ZRANB1: variants seen among roughly 807,000 people sequenced by gnomAD.
ZRANB1 encodes ubiquitin thioesterase ZRANB1.
A neutral mutation model predicts 80.5 loss-of-function variants in ZRANB1; 16 were observed. That is an observed-to-expected ratio of 0.20 (90% CI 0.13 to 0.30). The LOEUF (loss-of-function observed/expected upper bound fraction) is 0.30. Ranked by LOEUF, ZRANB1 falls within the 10% of genes least tolerant of loss-of-function variation. ZRANB1 has a pLI of 1.00. For synonymous variants in ZRANB1, 291 were observed against 293.1 expected (o/e 0.99, Z 0.07); for missense variants, 576 against 862.6 (o/e 0.67, Z 4.16).
At chr10:124,925,361 T>G in the ZRANB1 span, among the ~76,000 whole-genome samples, 1 of 152,332 alleles carries the variant, frequency 6.6e-6, no homozygotes, top group South Asian at 2.1e-4. Context: ...GATGAGCATC[T>G]TTTCATGTGC....
Position 124,983,141 on chromosome 10 carries a change from T to TA in ZRANB1, c.1549-31dup, listed in dbSNP as rs779893390. On this transcript the variant is annotated intron_variant, in intron 6 of 8. Transcript: ENST00000359653. This position sits in a 1 kb window ranked among gnomAD's most constrained non-coding sequence, Gnocchi z 6.2. The stretch of plus-strand genomic sequence containing the variant: ...CACATCAGTTTTCCAGGAGTGGTAA[T>TA]AAATGTTTTAAGTTTTTGTTTTGTT... The TA allele has an allele frequency of 6.3e-7, 1 of 1,590,694 alleles. No individual in the cohort carries two copies. Among genetic ancestry groups the TA allele is most frequent in the Admixed American group, 1.8e-5 (1 of 56,296 alleles).
In ZRANB1 at chr10:124,942,337, A is replaced by T. The variant is rs1468042731; in HGVS notation, c.-157A>T. 7.7e-6 allele frequency: 11 copies of T among 1,431,850 alleles called. No homozygotes were observed. The highest frequency in any genetic ancestry group is 1.0e-5 in the Non-Finnish European group (11 of 1,097,662). 88.7% of individuals were successfully genotyped at this position (1,431,850 alleles called of 1,614,324 possible). A position where few individuals can be genotyped will look rare whatever the true frequency, so the allele number is the denominator to read the frequency against. On this transcript the variant is annotated 5_prime_UTR_variant, in exon 1 of 9. An upstream start codon of the reference 5' UTR is lost. Transcript: ENST00000359653. ...AAAATTAGGATAATTCAATGTCGAAATGTTGCATGCATCTTTTGAGAAATT... is the reference window on the plus strand; with the variant it reads ...AAAATTAGGATAATTCAATGTCGAATTGTTGCATGCATCTTTTGAGAAATT...
intron 1 of ZRANB1, chr10:124,962,336 C>CA: frequency 1.0e-6 from 1 of 983,640 alleles, no homozygotes; most frequent in Non-Finnish European, 1.2e-6. Context: ...GACCCCACAG[C>CA]ATAAACCATG....
At chr10:124,974,020 G>C (rs959991377) in intron 4 of ZRANB1, among the ~76,000 whole-genome samples, 180 bp from the exon 5 acceptor site, 1 of 152,176 alleles carries the variant, frequency 6.6e-6, no homozygotes, top group Non-Finnish European at 1.5e-5. Flanking sequence ...AATTATTCTA[G>C]AGACAGAAGA....
At chr10:124,974,446 AT>A (rs753219734) in intron 5 of ZRANB1, 48 bp downstream of exon 5, 2 of 1,587,592 alleles carry the variant, frequency 1.3e-6, no homozygotes, top group Non-Finnish European at 1.7e-6. Context: ...CATTTGCTGG[AT>A]TATTTCCTTG....
At chr10:124,938,936 G>A (rs1951511573), upstream of ZRANB1, among the ~76,000 whole-genome samples, 1 of 152,012 alleles carries the variant, frequency 6.6e-6, no homozygotes. Context: ...CAGCTCTTTG[G>A]GACGCTGAGG....
At chr10:124,956,259 T>TATAAAAGG (rs1951687004) in intron 1 of ZRANB1, among the ~76,000 whole-genome samples, 1 of 152,164 alleles carries the variant, frequency 6.6e-6, no homozygotes, top group Non-Finnish European at 1.5e-5. Context: ...AAATATCAAG[T>TATAAAAGG]ATAAAAGGAT....
chr10:124,945,677 A>T (rs1478851267), intron 1 of ZRANB1: 1 of 152,110 alleles, frequency 6.6e-6, no homozygotes, highest in Non-Finnish European at 1.5e-5. Context: ...TTTCCTTGAA[A>T]CACACAAGTT....
chr10:124,947,107 C>G (rs966637061), intron 1 of ZRANB1, among the ~76,000 whole-genome samples: 2 of 152,152 alleles, frequency 1.3e-5, no homozygotes, highest in Admixed American at 6.6e-5. Context: ...AACATATTGA[C>G]ATAGCTGTTG....
At chr10:124,971,709 G>T (rs1483562600) in intron 2 of ZRANB1, among the ~76,000 whole-genome samples, 2 of 152,138 alleles carry the variant, frequency 1.3e-5, no homozygotes, top group Non-Finnish European at 2.9e-5. Context: ...ACATTTTTAT[G>T]TGCATCTTTG....
At chr10:124,935,154 T>C in the ZRANB1 span, among the ~76,000 whole-genome samples, 2 of 152,228 alleles carry the variant, frequency 1.3e-5, no homozygotes, top group African/African-American at 2.4e-5. Flanking sequence ...TTAATGGGGC[T>C]AGAATGTGAA....
rs1951830749 is a variant in ZRANB1, at chr10:124,972,052, C to A, written c.1090C>A (p.His364Asn). ...QIRREIAASL[H>N]QRKGDFACYF... ...CCGGAGAGAGATAGCTGCCTCTCTT[C>A]ATCAGAGAAAGGGGGATTTTGCTTG... The change falls in exon 3 of 9, where the codon CAT becomes AAT. Residue 364 changes from histidine (H) to asparagine (N), a missense_variant. Physicochemically the swap from His to Asn is moderately conservative, Grantham distance 68. Coordinates refer to ENST00000359653, the MANE Select transcript of ZRANB1 (RefSeq NM_017580.3). 1 of 1,613,852 alleles carries A rather than the reference C, an allele frequency of 6.2e-7. No individual in the cohort carries two copies. The highest frequency in any genetic ancestry group is 8.5e-7 in the Non-Finnish European group (1 of 1,179,894).
the ZRANB1 span, among the ~76,000 whole-genome samples, chr10:124,932,403 C>T: frequency 6.7e-6 from 1 of 148,576 alleles, no homozygotes; most frequent in South Asian, 2.1e-4. Flanking sequence ...GATTCTTGTG[C>T]TTCAGCCTCC....
the ZRANB1 span, among the ~76,000 whole-genome samples, chr10:124,927,808 G>C: frequency 6.6e-6 from 1 of 152,098 alleles, no homozygotes; most frequent in East Asian, 1.9e-4. Context: ...AGGCTGAGGC[G>C]GGCAGATCAC....
At chr10:124,938,671 C>G (rs1951508762), upstream of ZRANB1, among the ~76,000 whole-genome samples, 1 of 151,902 alleles carries the variant, frequency 6.6e-6, no homozygotes, top group Non-Finnish European at 1.5e-5. Context: ...TGCAATGTTT[C>G]AAGTTCTCTC....
the ZRANB1 span, among the ~76,000 whole-genome samples, chr10:124,919,046 T>G: frequency 1.3e-5 from 2 of 152,192 alleles, no homozygotes; most frequent in African/African-American, 4.8e-5. Context: ...CATGGTAATA[T>G]ATTTTAAGCT....
intron 2 of ZRANB1, among the ~76,000 whole-genome samples, chr10:124,971,480 G>C (rs1413616672): frequency 4.6e-5 from 7 of 152,224 alleles, no homozygotes; most frequent in Non-Finnish European, 7.3e-5. Flanking sequence ...CTTGAGGTCA[G>C]TGGGAACTAA....
the ZRANB1 span, among the ~76,000 whole-genome samples, chr10:124,920,546 C>T: frequency 6.6e-6 from 1 of 152,116 alleles, no homozygotes; most frequent in South Asian, 2.1e-4. Flanking sequence ...ATCCCTAACT[C>T]TAGCCACACT....
At chr10:124,927,966 G>A in the ZRANB1 span, among the ~76,000 whole-genome samples, 1 of 152,238 alleles carries the variant, frequency 6.6e-6, no homozygotes, top group Non-Finnish European at 1.5e-5. Flanking sequence ...GAACCTGGGA[G>A]ATGGAGGTTG....
Sources: gnomAD v4.1 joint callset for allele counts (sites outside exome capture counted in the v4.1 genomes callset) on GRCh38, gnomAD v4.1.1 for gene constraint, Gnocchi (gnomAD v3.1) non-coding constraint, MANE v1.5 for transcripts, NCBI Gene and HGNC (gene_info 2026-07-23, HGNC 2026-07-21) for gene names.